Variants in TMEM63C observed in about 807,000 individuals in gnomAD.
The protein encoded by TMEM63C is transmembrane protein 63C.
A neutral mutation model predicts 99.2 loss-of-function variants in TMEM63C; 32 were observed. The observed-to-expected ratio is 0.32, with a 90% confidence interval of 0.24 to 0.43. TMEM63C has a LOEUF of 0.43. Among genes scored for constraint, TMEM63C ranks in the 20% least tolerant of loss-of-function variants. TMEM63C has a pLI of 1.00. For missense variants in TMEM63C, 826 were observed against 1,053.0 expected, an observed-to-expected ratio of 0.78 and a Z score of 2.98; for synonymous variants, 376 against 397.9, an observed-to-expected ratio of 0.94 and a Z score of 0.66.
chr14:77,219,612 C>G, intron 4 of TMEM63C, 35 bp downstream of exon 4: 2 of 1,609,784 alleles, frequency 1.2e-6, no homozygotes, highest in Non-Finnish European at 1.7e-6. Context: ...GCCGTTGCCC[C>G]CTTGGGGAAA....
intron 1 of TMEM63C, among the ~76,000 whole-genome samples, chr14:77,208,032 C>A (rs758017365): frequency 5.9e-5 from 9 of 151,878 alleles, no homozygotes; most frequent in Admixed American, 1.3e-4. Context: ...CTGATCTGGG[C>A]AAGTCTTTTA....
intron 21 of TMEM63C, among the ~76,000 whole-genome samples, chr14:77,251,192 G>C (rs992991925): frequency 2.0e-5 from 3 of 152,202 alleles, no homozygotes; most frequent in Non-Finnish European, 4.4e-5. Flanking sequence ...TCCGTGATTG[G>C]ATATTGAGGT....
At chr14:77,190,159 G>A (rs528726282) in intron 1 of TMEM63C, among the ~76,000 whole-genome samples, 237 of 152,156 alleles carry the variant, frequency 1.6e-3, no homozygotes, top group African/African-American at 5.5e-3. Flanking sequence ...TTGGCCATAT[G>A]TAAATCCAGT....
rs753428073 is a variant in TMEM63C, at chr14:77,242,939, C to A, written c.1224C>A (p.Ala408=). ...CTGTCCGCCGCTTCTTTTGGTGGGC[C>A]CGCTTTATCGCAATCAACACCTTCC... ...HLSVRRFFWW[A]RFIAINTFLF... The change falls in exon 15 of 24, where the codon GCC becomes GCA. Residue 408 remains alanine (A), a synonymous_variant. Transcript: ENST00000298351. 10 of 1,614,002 alleles carry A rather than the reference C, an allele frequency of 6.2e-6. No homozygotes were observed. The East Asian group carries it at 2.2e-4, about 36-fold the overall frequency.
chr14:77,239,453 G>C lies in TMEM63C; in HGVS notation c.767G>C (p.Cys256Ser). 6.2e-7 allele frequency: 1 copy of C among 1,613,694 alleles called. No homozygotes were observed. The highest frequency in any genetic ancestry group is 1.7e-4 in the Middle Eastern group (1 of 6,060). Residue 256 changes from cysteine to serine, a missense_variant, in exon 11 of 24, where the codon TGC (cysteine) becomes TCC (serine). Transcript: ENST00000298351. ...PGSVVTRVHF[C>S]YDVRNLIDLD... ...AGTGTCGTGACAAGAGTCCACTTCTGCTACGACGTCAGGAACCTGATCGAC... is the reference window on the plus strand; with the variant it reads ...AGTGTCGTGACAAGAGTCCACTTCTCCTACGACGTCAGGAACCTGATCGAC...
rs186688746 is a variant in TMEM63C at position 77,250,728 on chromosome 14, G to A, written c.2039-1061G>A. ...CTCCCTGCCATGGTGGCATCCATAC[G>A]GTCGACTCTCAGTCATTTATGTGGC... On this transcript the variant is annotated intron_variant, in intron 21 of 23. Coordinates refer to ENST00000298351, the MANE Select transcript of TMEM63C (RefSeq NM_020431.4). Among the ~76,000 whole-genome samples the A allele has an allele frequency of 9.5e-4, 145 of 152,174 alleles. 1 individual carries two copies. Among genetic ancestry groups the A allele is most frequent in the Non-Finnish European group, 1.7e-3 (119 of 68,018 alleles).
intron 21 of TMEM63C, 61 bp from the exon 22 acceptor site, chr14:77,251,728 C>T (rs1351024965): frequency 1.4e-6 from 2 of 1,387,276 alleles, no homozygotes; most frequent in South Asian, 1.2e-5. Context: ...TGGCATCTGC[C>T]AGTTGGGGTG....
chr14:77,243,038 C>T lies in TMEM63C; in HGVS notation c.1323C>T (p.Arg441=). ...CTATCGACATGTACAACGTCACCCG[C>T]CCCATCGAGAAGCTGCAGGTGCCTC... ...MNTIDMYNVT[R]PIEKLQNPIV... The change falls in exon 15 of 24, where the codon CGC becomes CGT. Residue 441 remains arginine, a synonymous_variant. Coordinates refer to ENST00000298351, the MANE Select transcript of TMEM63C (RefSeq NM_020431.4). 1.2e-6 allele frequency: 2 copies of T among 1,613,846 alleles called. No individual in the cohort carries two copies. Among genetic ancestry groups the T allele is most frequent in the Non-Finnish European group, 1.7e-6 (2 of 1,179,884 alleles).
Position 77,249,190 on chromosome 14 carries a change from G to T in TMEM63C, c.1871-101G>T. The T allele has an allele frequency of 2.3e-6, 3 of 1,281,444 alleles. No homozygotes were observed. In the South Asian group the frequency reaches 4.0e-5, roughly 17 times the overall value. 79.4% of individuals were successfully genotyped at this position (1,281,444 alleles called of 1,614,324 possible). ...ACCCATCCTTGGTTGTTGTGACTCT[G>T]ACAGCCGTGGATCTGGCTTCTCAGG... On this transcript the variant is annotated intron_variant, in intron 20 of 23. Coordinates refer to ENST00000298351, the MANE Select transcript of TMEM63C (RefSeq NM_020431.4).
chr14:77,225,555 G>A, intron 6 of TMEM63C, 94 bp downstream of exon 6: 1 of 1,339,154 alleles, frequency 7.5e-7, no homozygotes, highest in Non-Finnish European at 1.1e-6. Flanking sequence ...AGCCTGGGAA[G>A]ACAGGGCCTG....
At chr14:77,213,809 C>T (rs1025702148) in intron 2 of TMEM63C, among the ~76,000 whole-genome samples, 4 of 151,800 alleles carry the variant, frequency 2.6e-5, no homozygotes, top group Non-Finnish European at 4.4e-5. Context: ...TAATTAGCCA[C>T]CTGGGGTAGA....
intron 1 of TMEM63C, among the ~76,000 whole-genome samples, chr14:77,185,817 G>A (rs573191270): frequency 1.3e-5 from 2 of 152,202 alleles, no homozygotes; most frequent in Admixed American, 6.5e-5. Flanking sequence ...CTTCACTTCC[G>A]TGAGTCTTCC....
intron 23 of TMEM63C, among the ~76,000 whole-genome samples, chr14:77,255,889 A>C (rs571918636): frequency 6.6e-6 from 1 of 152,238 alleles, no homozygotes; most frequent in Non-Finnish European, 1.5e-5. Context: ...CACTGAAATA[A>C]ACTCCTATGG....
At position 77,187,441 on chromosome 14, in the gene TMEM63C, C is replaced by T. The variant is rs185794120; in HGVS notation, c.-77+5547C>T. On this transcript the variant is annotated intron_variant, in intron 1 of 23. Coordinates refer to ENST00000298351, the MANE Select transcript of TMEM63C (RefSeq NM_020431.4). ...AAGGCTAGGATTCCCACCCCGCCCC[C>T]ACCAGGTTCCGAGGGGCTGAGCCGA... Among the ~76,000 whole-genome samples the T allele has an allele frequency of 1.1e-3, 167 of 152,354 alleles. 1 individual carries two copies. Among genetic ancestry groups the T allele is most frequent in the Non-Finnish European group, 1.7e-3 (115 of 68,016 alleles).
At chr14:77,195,526 G>A (rs1888199947) in intron 1 of TMEM63C, among the ~76,000 whole-genome samples, 1 of 152,206 alleles carries the variant, frequency 6.6e-6, no homozygotes, top group African/African-American at 2.4e-5. Flanking sequence ...TTCAAGTTCA[G>A]TGGGTCAAGG....
chr14:77,224,105 G>T (rs1888774136), intron 5 of TMEM63C, among the ~76,000 whole-genome samples: 1 of 152,006 alleles, frequency 6.6e-6, no homozygotes, highest in South Asian at 2.1e-4. Flanking sequence ...CTGGAGGAAT[G>T]TCCTGCTGTG....
At chr14:77,194,176 G>A (rs971907822) in intron 1 of TMEM63C, among the ~76,000 whole-genome samples, 8 of 152,130 alleles carry the variant, frequency 5.3e-5, no homozygotes, top group Admixed American at 2.6e-4. Flanking sequence ...GTAGTGCATC[G>A]GTTCAGTGGA....
intron 22 of TMEM63C, among the ~76,000 whole-genome samples, 152 bp downstream of exon 22, chr14:77,252,050 G>GC (rs1889373535): frequency 7.1e-6 from 1 of 141,340 alleles, no homozygotes; most frequent in African/African-American, 2.7e-5. Flanking sequence ...CAGTGTGCAT[G>GC]CGTGCATGCA....
Position 77,242,477 on chromosome 14 carries a change from T to A in TMEM63C, c.1187+8T>A. 6.2e-7 allele frequency: 1 copy of A among 1,613,180 alleles called. No homozygotes were observed. Among genetic ancestry groups the A allele is most frequent in the Non-Finnish European group, 8.5e-7 (1 of 1,179,502 alleles). ...CCCCAAAGACATTATTTGGTAAGCC[T>A]CCTCCATCCCTCCCCTCTCCTCTGA... On this transcript the variant is annotated splice_region_variant and intron_variant, in intron 14 of 23. Transcript: ENST00000298351.
Sources: allele counts gnomAD v4.1 joint callset (sites outside exome capture counted in the v4.1 genomes callset), GRCh38; gene constraint gnomAD v4.1.1; transcripts MANE v1.5; gene names NCBI Gene and HGNC (gene_info 2026-07-23, HGNC 2026-07-21).